LRRC7: variants seen among roughly 807,000 people sequenced by gnomAD.
The protein encoded by LRRC7 is leucine-rich repeat-containing protein 7.
A neutral mutation model predicts 175.7 loss-of-function variants in LRRC7; 23 were observed. The observed-to-expected ratio is 0.13, with a 90% CI of 0.09 to 0.19. LRRC7 has a LOEUF of 0.19. LRRC7 is among the 10% of genes least tolerant of loss of function. The pLI is 1.00. For missense variants in LRRC7, 1,354 were observed against 1,904.7 expected, an observed-to-expected ratio of 0.71 and a Z score of 5.38; for synonymous variants, 685 against 680.9, an observed-to-expected ratio of 1.01 and a Z score of -0.09.
intron 7 of LRRC7, among the ~76,000 whole-genome samples, chr1:69,904,718 A>T (rs1368938190): frequency 6.6e-6 from 1 of 152,120 alleles, no homozygotes; most frequent in Non-Finnish European, 1.5e-5. Context: ...CAGGTTTGTT[A>T]TATAAGTAAA....
intron 4 of LRRC7, among the ~76,000 whole-genome samples, chr1:69,799,294 A>G (rs1240030828): frequency 6.6e-6 from 1 of 152,034 alleles, no homozygotes; most frequent in African/African-American, 2.4e-5. Flanking sequence ...GGCTTTTAGT[A>G]TAACCATCAT....
chr1:70,129,328 A>G lies in LRRC7; in HGVS notation c.*7441A>G, dbSNP rs558383224. On this transcript the variant is annotated 3_prime_UTR_variant, in exon 27 of 27. Coordinates refer to ENST00000651989, the MANE Select transcript of LRRC7 (RefSeq NM_001370785.2). ...TTTAGGGCAACATTTGATAGGCTAA[A>G]CGTGGCAAGTGTGAATGCCTTGCTA... Among the ~76,000 whole-genome samples, 1 of 152,270 alleles carries G rather than the reference A, an allele frequency of 6.6e-6. No individual in the cohort carries two copies. Among genetic ancestry groups the G allele is most frequent in the East Asian group, 1.9e-4 (1 of 5,168 alleles).
chr1:69,676,627 A>G (rs1659805480), intron 1 of LRRC7, among the ~76,000 whole-genome samples: 1 of 152,134 alleles, frequency 6.6e-6, no homozygotes, highest in Admixed American at 6.6e-5. Context: ...TCTGGTTGTC[A>G]GCATCGCCGT....
intron 22 of LRRC7, among the ~76,000 whole-genome samples, chr1:70,052,523 A>G (rs1288398164): frequency 2.0e-5 from 3 of 152,148 alleles, no homozygotes; most frequent in Non-Finnish European, 4.4e-5. Flanking sequence ...ATCTTGCACT[A>G]TGCCAGTGTT....
intron 21 of LRRC7, 77 bp from the exon 22 acceptor site, chr1:70,043,871 ATAAATT>A (rs1660118528): frequency 2.0e-6 from 3 of 1,469,120 alleles, no homozygotes; most frequent in Non-Finnish European, 2.7e-6. Flanking sequence ...GTTAAATGTT[ATAAATT>A]TAAACATGTT....
At chr1:69,763,604 G>C (rs1027637537) in intron 3 of LRRC7, among the ~76,000 whole-genome samples, 2 of 151,812 alleles carry the variant, frequency 1.3e-5, no homozygotes, top group Non-Finnish European at 2.9e-5. Flanking sequence ...GGGTGGAAAG[G>C]GTAAAATGGC....
rs1209945492 is a variant in LRRC7 at position 70,141,367 on chromosome 1, C to T, written c.*19480C>T. Reference sequence around the variant, plus strand: ...TTTGGCCCAACTCTGTCTACAAATACTTTTGCAAATAATGTTTCTCTTAAT... The same window carrying T: ...TTTGGCCCAACTCTGTCTACAAATATTTTTGCAAATAATGTTTCTCTTAAT... On this transcript the variant is annotated 3_prime_UTR_variant, in exon 27 of 27. Coordinates refer to ENST00000651989, the MANE Select transcript of LRRC7 (RefSeq NM_001370785.2). 6.6e-6 allele frequency: 1 copy of T among 152,114 alleles called. No individual in the cohort carries two copies. Among genetic ancestry groups the T allele is most frequent in the Non-Finnish European group, 1.5e-5 (1 of 67,994 alleles). 9.4% of individuals were successfully genotyped at this position (152,114 alleles called of 1,614,324 possible).
At chr1:69,978,027 GAAAAAAAC>G (rs1045663459) in intron 8 of LRRC7, among the ~76,000 whole-genome samples, 6 of 151,322 alleles carry the variant, frequency 4.0e-5, no homozygotes, top group African/African-American at 1.2e-4. Context: ...TAATGCATAG[GAAAAAAAC>G]AAAAAAACAA....
At chr1:69,805,871 G>A (rs1166372691) in intron 4 of LRRC7, among the ~76,000 whole-genome samples, 2 of 151,804 alleles carry the variant, frequency 1.3e-5, no homozygotes, top group Non-Finnish European at 2.9e-5. Flanking sequence ...TTACAATCTG[G>A]TTATGTACTA....
intron 23 of LRRC7, among the ~76,000 whole-genome samples, chr1:70,057,951 A>C (rs1661277588): frequency 6.6e-6 from 1 of 151,248 alleles, no homozygotes; most frequent in Non-Finnish European, 1.5e-5. Flanking sequence ...TTTTTTTTTT[A>C]AGGGAGTAAA....
intron 1 of LRRC7, among the ~76,000 whole-genome samples, chr1:69,575,853 A>G (rs1043503425): frequency 7.2e-5 from 11 of 152,188 alleles, no homozygotes; most frequent in African/African-American, 2.7e-4. Context: ...TATTACTTCA[A>G]ATATGAATTA....
chr1:69,768,547 C>T (rs1671875047), intron 3 of LRRC7, among the ~76,000 whole-genome samples: 1 of 152,132 alleles, frequency 6.6e-6, no homozygotes, highest in South Asian at 2.1e-4. Context: ...TAAGATACTG[C>T]CTAACTACTT....
At chr1:70,107,722 A>C (rs1218053647) in intron 25 of LRRC7, 30 bp from the exon 26 acceptor site, 1 of 1,570,144 alleles carries the variant, frequency 6.4e-7, no homozygotes, top group Admixed American at 1.7e-5. Flanking sequence ...TGGTAATAGA[A>C]TCCTAACCTC....
chr1:69,759,597 A>G (rs554219733), intron 2 of LRRC7, among the ~76,000 whole-genome samples: 1 of 152,166 alleles, frequency 6.6e-6, no homozygotes, highest in African/African-American at 2.4e-5. Flanking sequence ...TGTAGTTTCA[A>G]CGGAATAAAA....
At chr1:69,849,140 T>C (rs2101446148) in intron 7 of LRRC7, among the ~76,000 whole-genome samples, 1 of 152,194 alleles carries the variant, frequency 6.6e-6, no homozygotes, top group East Asian at 1.9e-4. Flanking sequence ...AAATGCACTA[T>C]AATTTTATGA....
At chr1:69,908,474 G>A (rs1423131408) in intron 7 of LRRC7, among the ~76,000 whole-genome samples, 40 of 151,314 alleles carry the variant, frequency 2.6e-4, no homozygotes, top group African/African-American at 6.9e-4. Flanking sequence ...CTTTGTTCTC[G>A]TTAGTTTCAA....
At chr1:70,103,565 A>G (rs1664946807) in intron 25 of LRRC7, among the ~76,000 whole-genome samples, 1 of 152,190 alleles carries the variant, frequency 6.6e-6, no homozygotes, top group African/African-American at 2.4e-5. Context: ...AGATTCCAGA[A>G]AAGAATGCAG....
intron 2 of LRRC7, among the ~76,000 whole-genome samples, chr1:69,735,624 G>T (rs1279051834): frequency 6.6e-6 from 1 of 152,120 alleles, no homozygotes; most frequent in Non-Finnish European, 1.5e-5. Context: ...TTGAAAGTGT[G>T]TGAATACCCT....
At position 70,142,911 on chromosome 1, in the gene LRRC7, G is replaced by GTATC. The variant is rs1300189417; in HGVS notation, c.*21028_*21031dup. ...ATATTATGTTTTGGATGTTTTCTAA[G>GTATC]TATCTATGAAAATTATTTTTTCCTA... On this transcript the variant is annotated 3_prime_UTR_variant, in exon 27 of 27. Transcript: ENST00000651989. 4 of 151,972 alleles carry GTATC rather than the reference G, an allele frequency of 2.6e-5. No individual in the cohort carries two copies. Among genetic ancestry groups the GTATC allele is most frequent in the Admixed American group, 6.6e-5 (1 of 15,256 alleles). The allele number at this position is 151,972 out of a possible 1,614,324, so 9.4% of individuals were successfully genotyped here. A position where few individuals can be genotyped will look rare whatever the true frequency, so the allele number is the denominator to read the frequency against.
Sources: allele counts gnomAD v4.1 joint callset (sites outside exome capture counted in the v4.1 genomes callset), GRCh38; gene constraint gnomAD v4.1.1; transcripts MANE v1.5; gene names NCBI Gene and HGNC (gene_info 2026-07-23, HGNC 2026-07-21).